The following MYO9B variants were observed in gnomAD, a reference collection of about 807,000 sequenced individuals.
MYO9B encodes the protein myosin IXB, also known as unconventional myosin-IXb.
In MYO9B, 71 loss-of-function variants were observed where a neutral mutation model predicts 229.5. That is an observed-to-expected ratio of 0.31 (90% confidence interval 0.26 to 0.38). The LOEUF is 0.38. MYO9B is among the 10% of genes least tolerant of loss of function. The pLI, the probability that MYO9B is intolerant of heterozygous loss-of-function variation, is 1.00. For missense variants in MYO9B, 2,255 were observed against 2,920.5 expected (o/e 0.77, Z 5.25); for synonymous variants, 1,185 against 1,235.8 (o/e 0.96, Z 0.86).
chr19:17,145,953 TGATGGATGGATG>T (rs149312996), intron 3 of MYO9B, among the ~76,000 whole-genome samples: 2 of 148,992 alleles, frequency 1.3e-5, no homozygotes, highest in African/African-American at 5.0e-5. Flanking sequence ...GATGGATGGA[TGATGGATGGATG>T]GATGGATGGA....
intron 8 of MYO9B, among the ~76,000 whole-genome samples, chr19:17,161,062 A>G (rs1198782860): frequency 1.3e-5 from 2 of 151,618 alleles, no homozygotes; most frequent in African/African-American, 4.8e-5. Flanking sequence ...CGGCTCCCAG[A>G]GTACTGGGAT....
At chr19:17,160,946 G>A (rs1287671102) in intron 8 of MYO9B, among the ~76,000 whole-genome samples, 2 of 151,774 alleles carry the variant, frequency 1.3e-5, no homozygotes, top group Middle Eastern at 3.2e-3. Context: ...TGATCCACCC[G>A]CCTCGGCCTC....
At chr19:17,190,663 CT>C (rs1188293667) in intron 19 of MYO9B, among the ~76,000 whole-genome samples, 2 of 144,272 alleles carry the variant, frequency 1.4e-5, no homozygotes, top group Non-Finnish European at 3.1e-5. Context: ...CAGACTATTT[CT>C]TTTTTTTTTC....
chr19:17,203,000 C>A (rs989112641), intron 29 of MYO9B, 117 bp downstream of exon 29: 2 of 1,397,904 alleles, frequency 1.4e-6, no homozygotes, highest in Non-Finnish European at 2.0e-6. Flanking sequence ...TGTGCGTGGA[C>A]ACGTGTGAGT....
intron 2 of MYO9B, among the ~76,000 whole-genome samples, chr19:17,124,998 G>A (rs2058001876): frequency 6.6e-6 from 1 of 151,824 alleles, no homozygotes; most frequent in Non-Finnish European, 1.5e-5. Context: ...AATGATTTGG[G>A]CATCAAATGG....
chr19:17,208,828 C>G (rs1422600868), intron 35 of MYO9B, among the ~76,000 whole-genome samples: 3 of 152,178 alleles, frequency 2.0e-5, no homozygotes, highest in Non-Finnish European at 2.9e-5. Context: ...ACAGAGCTCA[C>G]CCAACCTGAG....
chr19:17,201,800 C>T, intron 26 of MYO9B, 126 bp from the exon 27 acceptor site: 1 of 695,034 alleles, frequency 1.4e-6, no homozygotes, highest in Admixed American at 2.7e-5. Flanking sequence ...GCCAGAGGGA[C>T]TGGATTTTAT....
chr19:17,186,153 G>A (rs1599404856), intron 18 of MYO9B, among the ~76,000 whole-genome samples, 152 bp downstream of exon 18: 1 of 152,178 alleles, frequency 6.6e-6, no homozygotes, highest in South Asian at 2.1e-4. Context: ...TTAGCAGTGA[G>A]GATGGTCCAA....
chr19:17,090,499 C>T (rs1011658517), intron 1 of MYO9B, among the ~76,000 whole-genome samples: 2 of 152,166 alleles, frequency 1.3e-5, no homozygotes, highest in South Asian at 2.1e-4. Context: ...GAATGGGCCA[C>T]GTTGTGTTTT....
At chr19:17,210,265 T>G in intron 36 of MYO9B, 68 bp from the exon 37 acceptor site, 1 of 1,455,040 alleles carries the variant, frequency 6.9e-7, no homozygotes, top group Non-Finnish European at 9.2e-7. Context: ...GGTCATTGGA[T>G]GTATCCCCAG....
At chr19:17,127,067 A>G (rs530127800) in intron 2 of MYO9B, among the ~76,000 whole-genome samples, 27 of 132,380 alleles carry the variant, frequency 2.0e-4, no homozygotes, top group African/African-American at 5.9e-4. Context: ...GCTGGAGTGC[A>G]GTGGCACAAT....
chr19:17,076,325 G>A (rs1000747911), intron 1 of MYO9B, among the ~76,000 whole-genome samples: 3 of 151,982 alleles, frequency 2.0e-5, no homozygotes, highest in Non-Finnish European at 2.9e-5. Flanking sequence ...ATTGAAGGAA[G>A]GGTGTCTGAG....
chr19:17,178,476 C>CA (rs745315649), intron 14 of MYO9B: 15,331 of 98,998 alleles, frequency 0.15, 1,643 homozygotes, highest in African/African-American at 0.35. Context: ...ATAAGGAATT[C>CA]AAAAAAAAAA....
At chr19:17,148,405 C>A (rs765891721) in intron 3 of MYO9B, among the ~76,000 whole-genome samples, 2 of 152,136 alleles carry the variant, frequency 1.3e-5, no homozygotes, top group East Asian at 1.9e-4. Flanking sequence ...AGGAATTATT[C>A]TCTTATCATC....
At chr19:17,090,118 CTTTTTTTTTTTTTTTTTTTTTTTTTTTT>C (rs59440394) in intron 1 of MYO9B, among the ~76,000 whole-genome samples, 4 of 49,178 alleles carry the variant, frequency 8.1e-5, no homozygotes, top group Non-Finnish European at 1.1e-4. Flanking sequence ...TGCTTCCTTC[CTTTTTTTTTTTTTTTTTTTTTTTTTTTT>C]TTTTTTTTTT....
chr19:17,169,817 T>C (rs2072702832), intron 11 of MYO9B, among the ~76,000 whole-genome samples: 1 of 142,354 alleles, frequency 7.0e-6, no homozygotes, highest in African/African-American at 2.6e-5. Context: ...TTTTTTTTTT[T>C]TTTTTTTTTT....
chr19:17,087,830 G>A (rs370848029), intron 1 of MYO9B, among the ~76,000 whole-genome samples: 2 of 151,840 alleles, frequency 1.3e-5, no homozygotes, highest in South Asian at 2.1e-4. Flanking sequence ...CTTGGGAGGC[G>A]GAGACAGGAG....
In MYO9B at chr19:17,154,396, C is replaced by T. The variant is rs1167581746; in HGVS notation, c.1180C>T (p.Leu394Phe). The T allele has an allele frequency of 1.2e-6, 2 of 1,612,152 alleles. No individual in the cohort carries two copies. Among genetic ancestry groups the T allele is most frequent in the South Asian group, 2.2e-5 (2 of 91,048 alleles). ...LKQAMEMVGF[L>F]PATKKQIFAV... ...GCAGGCCATGGAGATGGTGGGCTTCCTCCCCGCCACCAAGAAGCAGTAAGT... is the reference window on the plus strand; with the variant it reads ...GCAGGCCATGGAGATGGTGGGCTTCTTCCCCGCCACCAAGAAGCAGTAAGT... Residue 394 changes from leucine to phenylalanine, a missense_variant, in exon 6 of 40, where the codon CTC becomes TTC. Physicochemically the swap from Leu to Phe is conservative, Grantham distance 22 (BLOSUM62 0). Transcript: ENST00000682292.
chr19:17,087,010 C>T (rs1267041823), intron 1 of MYO9B, among the ~76,000 whole-genome samples: 1 of 152,204 alleles, frequency 6.6e-6, no homozygotes, highest in East Asian at 1.9e-4. Context: ...ATCACTGTTG[C>T]TAATACCTCC....
Sources: gnomAD v4.1 joint callset for allele counts (sites outside exome capture counted in the v4.1 genomes callset) on GRCh38, gnomAD v4.1.1 for gene constraint, MANE v1.5 for transcripts, NCBI Gene and HGNC (gene_info 2026-07-23, HGNC 2026-07-21) for gene names.